Variants in EFR3B observed in about 807,000 individuals in gnomAD.
EFR3B encodes protein EFR3 homolog B.
In EFR3B, 64 loss-of-function variants were observed where a neutral mutation model predicts 104.7. The ratio of observed to expected loss-of-function variants is 0.61; its 90% CI spans 0.50 to 0.75. The LOEUF (loss-of-function observed/expected upper bound fraction) is 0.75. EFR3B is among the 30% of genes least tolerant of loss of function. The pLI is 0.00. For synonymous variants in EFR3B, 385 were observed against 417.9 expected, an observed-to-expected ratio of 0.92 and a Z score of 0.96; for missense variants, 750 against 1,078.5, an observed-to-expected ratio of 0.70 and a Z score of 4.27.
Position 25,128,282 on chromosome 2 carries a change from G to A in EFR3B, c.585G>A (p.Lys195=). The A allele has an allele frequency of 6.4e-7, 1 of 1,551,896 alleles. No homozygotes were observed. The highest frequency in any genetic ancestry group is 1.2e-5 in the South Asian group (1 of 84,062). ...TCTGGGACCCACAGCACATGGATAAGATCGTTCCATCACTGCTTTTCAATC... is the reference window on the plus strand; with the variant it reads ...TCTGGGACCCACAGCACATGGATAAAATCGTTCCATCACTGCTTTTCAATC... The part of the protein sequence containing the change: ...ANIWDPQHMD[K]IVPSLLFNLQ... The change falls in exon 6 of 23, where the codon AAG becomes AAA. Residue 195 remains lysine (K), a synonymous_variant. Coordinates refer to ENST00000403714, the MANE Select transcript of EFR3B (RefSeq NM_014971.2).
At chr2:25,079,370 G>A (rs749942872) in intron 1 of EFR3B, among the ~76,000 whole-genome samples, 112 of 152,182 alleles carry the variant, frequency 7.4e-4, no homozygotes, top group Non-Finnish European at 8.1e-4. Flanking sequence ...GGAAAGTGAT[G>A]GAAGAATTAG....
intron 22 of EFR3B, 76 bp downstream of exon 22, chr2:25,153,837 C>A (rs1218038857): frequency 7.1e-7 from 1 of 1,412,382 alleles, no homozygotes; most frequent in Non-Finnish European, 9.8e-7. Context: ...AGTCCTCTCA[C>A]CCCTGTCTTC....
At chr2:25,063,851 C>A (rs1296549539) in intron 1 of EFR3B, among the ~76,000 whole-genome samples, 1 of 152,176 alleles carries the variant, frequency 6.6e-6, no homozygotes, top group Non-Finnish European at 1.5e-5. Context: ...TAGAGCTTTT[C>A]AGGAGCTGTC....
intron 4 of EFR3B, among the ~76,000 whole-genome samples, chr2:25,112,871 G>A (rs925425122): frequency 6.6e-6 from 1 of 152,182 alleles, no homozygotes; most frequent in Non-Finnish European, 1.5e-5. Context: ...GCAGGAAGTT[G>A]GTTGGTTCAG....
chr2:25,089,138 G>C (rs571868), intron 1 of EFR3B, among the ~76,000 whole-genome samples: 1 of 152,148 alleles, frequency 6.6e-6, no homozygotes, highest in African/African-American at 2.4e-5. Context: ...GCAGCAGCCT[G>C]TCTGGTTTTC....
chr2:25,125,677 G>A (rs11693908), intron 5 of EFR3B, among the ~76,000 whole-genome samples: 13,379 of 152,220 alleles, frequency 0.088, 833 homozygotes, highest in Middle Eastern at 0.17. Flanking sequence ...GGCCAGGCAC[G>A]GTGGCTCACG....
chr2:25,102,579 A>G (rs1669455233), intron 3 of EFR3B, among the ~76,000 whole-genome samples: 1 of 152,106 alleles, frequency 6.6e-6, no homozygotes, highest in South Asian at 2.1e-4. Context: ...CAAGAACAGT[A>G]TGGGGAAAAC....
At chr2:25,135,143 GC>G (rs1670484439) in intron 12 of EFR3B, among the ~76,000 whole-genome samples, 1 of 152,130 alleles carries the variant, frequency 6.6e-6, no homozygotes, top group South Asian at 2.1e-4. Context: ...CATCAGTTGT[GC>G]CCTAACTGGC....
chr2:25,075,089 G>A (rs574033030), intron 1 of EFR3B, among the ~76,000 whole-genome samples: 1 of 152,342 alleles, frequency 6.6e-6, no homozygotes, highest in South Asian at 2.1e-4. Flanking sequence ...GCCATCCACA[G>A]AGTCTGTTCA....
chr2:25,098,454 AG>A (rs1369364036), intron 3 of EFR3B, among the ~76,000 whole-genome samples: 1 of 152,154 alleles, frequency 6.6e-6, no homozygotes, highest in Non-Finnish European at 1.5e-5. Flanking sequence ...TACCTCTTCC[AG>A]GACACCCGCC....
Position 25,136,498 on chromosome 2 carries a change from G to A in EFR3B, c.1485-25G>A. The A allele has an allele frequency of 1.9e-6, 3 of 1,543,616 alleles. No individual in the cohort carries two copies. Among genetic ancestry groups the A allele is most frequent in the Non-Finnish European group, 2.6e-6 (3 of 1,139,970 alleles). ...CAGGCTGGCCTCATGCAAGGGCTAA[G>A]GAGGCCCTTTGCATCCCTTCCCAGT... On this transcript the variant is annotated intron_variant, in intron 13 of 22. Transcript: ENST00000403714. The surrounding 1 kb of genome is among the most constrained non-coding windows in gnomAD (Gnocchi z 4.0).
chr2:25,143,660 T>TA (rs1298994922), intron 17 of EFR3B, 75 bp from the exon 18 acceptor site: 18,149 of 1,091,124 alleles, frequency 0.017, 20 homozygotes, highest in African/African-American at 0.041. Context: ...AACCCTGTCT[T>TA]AAAAAAAAAA....
chr2:25,078,434 A>C (rs1273238549), intron 1 of EFR3B, among the ~76,000 whole-genome samples: 1 of 152,188 alleles, frequency 6.6e-6, no homozygotes, highest in Non-Finnish European at 1.5e-5. Context: ...AAATAAATAC[A>C]AACTATTTTG....
chr2:25,061,548 C>T (rs1573171859), intron 1 of EFR3B, among the ~76,000 whole-genome samples: 2 of 152,004 alleles, frequency 1.3e-5, no homozygotes, highest in African/African-American at 4.8e-5. Context: ...GGCTGGAGTG[C>T]TGTGGCGTGA....
chr2:25,058,104 G>T (rs1426167160), intron 1 of EFR3B: 1 of 152,184 alleles, frequency 6.6e-6, no homozygotes, highest in African/African-American at 2.4e-5. Flanking sequence ...TGGAGCCCAG[G>T]AGTTCTGGGC....
At position 25,062,930 on chromosome 2, in the gene EFR3B, C is replaced by CTTTTTCT. The variant is rs1558586117; in HGVS notation, c.7+20616_7+20617insCTTTTTT. On this transcript the variant is annotated intron_variant, in intron 1 of 22. Coordinates refer to ENST00000403714, the MANE Select transcript of EFR3B (RefSeq NM_014971.2). The stretch of plus-strand genomic sequence containing the variant: ...GTGTGAAGGATTGATTTTTCTTTTT[C>CTTTTTCT]TTTTTTTTTTTTGAGACAAGTCTCG... Among the ~76,000 whole-genome samples the CTTTTTCT allele has an allele frequency of 3.9e-3, 554 of 143,672 alleles. 8 individuals are homozygous for CTTTTTCT. The highest frequency in any genetic ancestry group is 0.013 in the African/African-American group (521 of 39,506). The allele number at this position is 143,672 out of a possible 152,430, so 94.3% of individuals were successfully genotyped here.
chr2:25,149,837 C>T, intron 20 of EFR3B, 95 bp downstream of exon 20: 2 of 1,113,268 alleles, frequency 1.8e-6, no homozygotes, highest in Non-Finnish European at 2.7e-6. Context: ...CCACCCTCCG[C>T]AGTGGGATCC....
chr2:25,082,288 G>T (rs997393526), intron 1 of EFR3B, among the ~76,000 whole-genome samples: 8 of 152,230 alleles, frequency 5.3e-5, no homozygotes, highest in African/African-American at 1.4e-4. Context: ...CAAGCCAGGA[G>T]CCAGCTAAGG....
intron 1 of EFR3B, among the ~76,000 whole-genome samples, chr2:25,079,548 C>T (rs1342829889): frequency 6.6e-6 from 1 of 152,030 alleles, no homozygotes; most frequent in Non-Finnish European, 1.5e-5. Flanking sequence ...GTGCTTAGTG[C>T]AGAGCTGGTG....
Sources: gnomAD v4.1 joint callset for allele counts (sites outside exome capture counted in the v4.1 genomes callset) on GRCh38, gnomAD v4.1.1 for gene constraint, Gnocchi (gnomAD v3.1) non-coding constraint, MANE v1.5 for transcripts, NCBI Gene and HGNC (gene_info 2026-07-23, HGNC 2026-07-21) for gene names.